The following PCSK2 variants were observed in gnomAD, a reference collection of about 807,000 sequenced individuals.
PCSK2 encodes proprotein convertase subtilisin/kexin type 2.
Under a neutral mutation model 69.7 loss-of-function variants are expected in PCSK2, and 14 were observed. The observed-to-expected ratio is 0.20, with a 90% CI of 0.13 to 0.31. PCSK2 has a LOEUF of 0.31. PCSK2 is among the 10% of genes least tolerant of loss of function. The probability of loss-of-function intolerance (pLI) is 1.00; values close to 1 mark genes in which losing one functional copy is unlikely to be tolerated. For synonymous variants in PCSK2, 307 were observed against 320.7 expected, an observed-to-expected ratio of 0.96 and a Z score of 0.46; for missense variants, 544 against 842.5, an observed-to-expected ratio of 0.65 and a Z score of 4.39.
At chr20:17,441,946 AATT>A (rs1329391316) in intron 8 of PCSK2, among the ~76,000 whole-genome samples, 1 of 151,736 alleles carries the variant, frequency 6.6e-6, no homozygotes, top group Non-Finnish European at 1.5e-5. Flanking sequence ...AGATATAATT[AATT>A]AAGATGATGT....
chr20:17,298,831 C>T (rs140607886), intron 2 of PCSK2, among the ~76,000 whole-genome samples: 11 of 152,288 alleles, frequency 7.2e-5, no homozygotes, highest in Non-Finnish European at 1.6e-4. Context: ...AGTCATTCCC[C>T]AGCCTCTGAG....
At chr20:17,363,386 G>C (rs1346125091) in intron 4 of PCSK2, among the ~76,000 whole-genome samples, 1 of 152,226 alleles carries the variant, frequency 6.6e-6, no homozygotes, top group Admixed American at 6.5e-5. Context: ...TCCATGGTTA[G>C]CTGCTGTCTA....
intron 6 of PCSK2, among the ~76,000 whole-genome samples, chr20:17,424,723 C>G (rs1348916773): frequency 6.6e-6 from 1 of 152,124 alleles, no homozygotes; most frequent in Non-Finnish European, 1.5e-5. Context: ...AAACTCCTGA[C>G]CTCGTGATCT....
At position 17,455,793 on chromosome 20, in the gene PCSK2, A is replaced by G. The variant is rs551258161; in HGVS notation, c.1102-555A>G. 2.0e-5 allele frequency among the ~76,000 whole-genome samples: 3 copies of G among 152,316 alleles called. No homozygotes were observed. The East Asian group carries it at 5.8e-4, about 29-fold the overall frequency. On this transcript the variant is annotated intron_variant, in intron 9 of 11. Coordinates refer to ENST00000262545, the MANE Select transcript of PCSK2 (RefSeq NM_002594.5). ...ACAGATATGCTTCTTTGAACAACTCATTTATCTTGTGGACACTGTAACTAT... is the reference window on the plus strand; with the variant it reads ...ACAGATATGCTTCTTTGAACAACTCGTTTATCTTGTGGACACTGTAACTAT...
intron 2 of PCSK2, among the ~76,000 whole-genome samples, chr20:17,347,849 A>AAAGAAAGG (rs1555789955): frequency 4.8e-5 from 5 of 103,356 alleles, no homozygotes; most frequent in African/African-American, 1.5e-4. Flanking sequence ...AGAAAGAAAG[A>AAAGAAAGG]AAGAAAGAAA....
At chr20:17,390,096 A>G (rs779774142) in intron 5 of PCSK2, among the ~76,000 whole-genome samples, 1 of 152,252 alleles carries the variant, frequency 6.6e-6, no homozygotes. Flanking sequence ...GCTGCTGCAT[A>G]CAGTACAATA....
intron 2 of PCSK2, among the ~76,000 whole-genome samples, chr20:17,286,503 A>C (rs888788528): frequency 5.3e-5 from 8 of 152,090 alleles, no homozygotes; most frequent in African/African-American, 1.9e-4. Context: ...TCACACCTAG[A>C]ATGTGTCAGA....
At chr20:17,443,723 G>A (rs2032642391) in intron 8 of PCSK2, among the ~76,000 whole-genome samples, 1 of 152,110 alleles carries the variant, frequency 6.6e-6, no homozygotes, top group Admixed American at 6.5e-5. Context: ...ACTGCCTCTC[G>A]AAGCAGGATA....
At chr20:17,305,572 A>G (rs1225883722) in intron 2 of PCSK2, among the ~76,000 whole-genome samples, 1 of 152,184 alleles carries the variant, frequency 6.6e-6, no homozygotes, top group Non-Finnish European at 1.5e-5. Flanking sequence ...TTCTTTTACA[A>G]GCTGTTTTCT....
chr20:17,440,076 C>T (rs1472921620), intron 8 of PCSK2, among the ~76,000 whole-genome samples: 2 of 152,234 alleles, frequency 1.3e-5, no homozygotes, highest in Non-Finnish European at 2.9e-5. Context: ...AGGTGGAGAG[C>T]TCTTGACAGT....
intron 11 of PCSK2, among the ~76,000 whole-genome samples, chr20:17,480,088 A>AC (rs754799932): frequency 5.3e-5 from 8 of 151,512 alleles, no homozygotes; most frequent in Non-Finnish European, 1.0e-4. Flanking sequence ...CTTGGGCTTA[A>AC]CCTCGCTCCA....
At chr20:17,230,272 T>C (rs1986098801) in intron 1 of PCSK2, among the ~76,000 whole-genome samples, 1 of 133,564 alleles carries the variant, frequency 7.5e-6, no homozygotes, top group Admixed American at 7.4e-5. Flanking sequence ...TCTCAGTGGT[T>C]ATTTATTCAT....
chr20:17,356,135 A>G (rs747147083), intron 2 of PCSK2, among the ~76,000 whole-genome samples: 5 of 152,164 alleles, frequency 3.3e-5, no homozygotes, highest in Non-Finnish European at 7.3e-5. Context: ...ATACACACAT[A>G]CATGTGCATA....
At chr20:17,275,266 A>T (rs1568580485) in intron 2 of PCSK2, among the ~76,000 whole-genome samples, 1 of 152,076 alleles carries the variant, frequency 6.6e-6, no homozygotes, top group Non-Finnish European at 1.5e-5. Flanking sequence ...GAAGCAATGC[A>T]TCCCTTTTGG....
At chr20:17,263,223 T>C (rs949238880) in intron 2 of PCSK2, 7 of 612,740 alleles carry the variant, frequency 1.1e-5, no homozygotes, top group Non-Finnish European at 1.4e-5. Context: ...ATGTAACAAC[T>C]AATTTTTATG....
intron 9 of PCSK2, among the ~76,000 whole-genome samples, chr20:17,455,988 G>A (rs991370141): frequency 2.0e-5 from 3 of 152,206 alleles, no homozygotes; most frequent in Admixed American, 6.5e-5. Flanking sequence ...ACTCATGCCT[G>A]TAATCCTTTG....
intron 2 of PCSK2, among the ~76,000 whole-genome samples, chr20:17,353,503 C>T (rs986016895): frequency 6.7e-6 from 1 of 149,812 alleles, no homozygotes; most frequent in East Asian, 1.9e-4. Flanking sequence ...TAAATGTTGG[C>T]GAGGCTGTGG....
intron 2 of PCSK2, among the ~76,000 whole-genome samples, chr20:17,348,199 T>C (rs1334185373): frequency 1.3e-5 from 2 of 152,088 alleles, no homozygotes; most frequent in African/African-American, 4.8e-5. Flanking sequence ...TGTGTTGCAT[T>C]TAGGACACAC....
intron 10 of PCSK2, among the ~76,000 whole-genome samples, chr20:17,457,754 G>C (rs538007134): frequency 1.4e-4 from 21 of 152,364 alleles, no homozygotes; most frequent in African/African-American, 5.0e-4. Flanking sequence ...GAGACAATTA[G>C]CACAGCCTGC....
Sources: allele counts gnomAD v4.1 joint callset (sites outside exome capture counted in the v4.1 genomes callset), GRCh38; gene constraint gnomAD v4.1.1; transcripts MANE v1.5; gene names NCBI Gene and HGNC (gene_info 2026-07-23, HGNC 2026-07-21).